NEBL: variants seen among roughly 807,000 people sequenced by gnomAD.
NEBL encodes the protein LIM and SH3 protein 2.
A neutral mutation model predicts 140.2 loss-of-function variants in NEBL; 122 were observed. That is an observed-to-expected ratio of 0.87 (90% CI 0.75 to 1.01). The LOEUF (loss-of-function observed/expected upper bound fraction) is 1.01, where lower values mean the gene tolerates loss of function less well. Ranked by LOEUF, NEBL falls within the 50% of genes least tolerant of loss-of-function variation. The probability of loss-of-function intolerance (pLI) is 0.00; values close to 1 mark genes in which losing one functional copy is unlikely to be tolerated. For synonymous variants in NEBL, 436 were observed against 398.9 expected (o/e 1.09, Z -1.11); for missense variants, 1,365 against 1,231.3 (o/e 1.11, Z -1.62).
At chr10:20,844,280 G>A (rs1021757151) in intron 12 of NEBL, among the ~76,000 whole-genome samples, 3 of 151,728 alleles carry the variant, frequency 2.0e-5, no homozygotes, top group Non-Finnish European at 4.4e-5. Flanking sequence ...ATTTCCTTCA[G>A]GAATAGTTTC....
intron 1 of NEBL, among the ~76,000 whole-genome samples, chr10:21,253,214 T>G (rs191839374): frequency 3.9e-5 from 6 of 152,298 alleles, no homozygotes; most frequent in Non-Finnish European, 7.3e-5. Context: ...AAGGTTGCAG[T>G]GAGCCAAGAT....
chr10:20,984,833 C>T (rs758292519), intron 3 of NEBL, among the ~76,000 whole-genome samples: 15 of 152,292 alleles, frequency 9.8e-5, no homozygotes, highest in Middle Eastern at 3.4e-3. Context: ...TCTGTATTTA[C>T]AGCCACTCCC....
At chr10:21,043,155 G>T (rs540531504) in intron 2 of NEBL, among the ~76,000 whole-genome samples, 3 of 152,216 alleles carry the variant, frequency 2.0e-5, no homozygotes, top group African/African-American at 7.2e-5. Flanking sequence ...CTTAAAAAGG[G>T]TCTCAGACGA....
intron 3 of NEBL, among the ~76,000 whole-genome samples, chr10:21,209,253 T>A (rs1320129262): frequency 6.6e-6 from 1 of 152,194 alleles, no homozygotes; most frequent in African/African-American, 2.4e-5. Flanking sequence ...GATGGTCTCT[T>A]TCATGACTAC....
intron 26 of NEBL, among the ~76,000 whole-genome samples, chr10:20,788,291 A>G (rs113071729): frequency 6.6e-6 from 1 of 152,190 alleles, no homozygotes; most frequent in African/African-American, 2.4e-5. Context: ...ACTTATAGTC[A>G]TATGTGCTAT....
intron 2 of NEBL, among the ~76,000 whole-genome samples, chr10:21,070,362 T>C (rs192548003): frequency 2.6e-5 from 4 of 152,290 alleles, no homozygotes; most frequent in East Asian, 1.9e-4. Flanking sequence ...TTAAAATTAA[T>C]GACAGATTAA....
At chr10:21,179,097 T>A (rs947137197), upstream of NEBL, among the ~76,000 whole-genome samples, 1 of 152,162 alleles carries the variant, frequency 6.6e-6, no homozygotes, top group East Asian at 1.9e-4. Flanking sequence ...GGCCTCCTAA[T>A]GAAACTGTCC....
At position 21,142,699 on chromosome 10, in the gene NEBL, G is replaced by A. The variant is rs147430928; in HGVS notation, c.164+29684C>T. On this transcript the variant is annotated intron_variant, in intron 2 of 6. Transcript: ENST00000417816. ...CCCCCAGGGCGGCAGACGGTATGGCGAGCATTACTGCTACTGCCTTCTGAG... is the reference window on the plus strand; with the variant it reads ...CCCCCAGGGCGGCAGACGGTATGGCAAGCATTACTGCTACTGCCTTCTGAG... 1.3e-3 allele frequency among the ~76,000 whole-genome samples: 201 copies of A among 152,238 alleles called. 1 individual carries two copies. Among genetic ancestry groups the A allele is most frequent in the African/African-American group, 4.6e-3 (192 of 41,522 alleles).
intron 26 of NEBL, among the ~76,000 whole-genome samples, chr10:20,789,999 C>A (rs868841594): frequency 6.7e-6 from 1 of 149,950 alleles, no homozygotes; most frequent in African/African-American, 2.5e-5. Flanking sequence ...TATATTTATG[C>A]CTACTCCTTA....
intron 4 of NEBL, among the ~76,000 whole-genome samples, chr10:20,948,573 GT>G (rs1417971202): frequency 6.6e-6 from 1 of 152,198 alleles, no homozygotes; most frequent in Non-Finnish European, 1.5e-5. Context: ...ACAAGAACAA[GT>G]TTTGGAGAAA....
chr10:21,196,237 C>CAG (rs1841645465), intron 3 of NEBL, among the ~76,000 whole-genome samples: 1 of 151,900 alleles, frequency 6.6e-6, no homozygotes, highest in South Asian at 2.1e-4. Context: ...CTCCTGACCT[C>CAG]GTGATCTGCC....
intron 2 of NEBL, among the ~76,000 whole-genome samples, chr10:21,168,116 G>A (rs1285687047): frequency 6.6e-6 from 1 of 152,024 alleles, no homozygotes; most frequent in East Asian, 1.9e-4. Context: ...GTTCTCCTTT[G>A]CATGAAATCA....
chr10:20,980,368 A>G (rs933094745), intron 3 of NEBL, among the ~76,000 whole-genome samples: 9 of 149,366 alleles, frequency 6.0e-5, no homozygotes, highest in African/African-American at 2.3e-4. Flanking sequence ...CTTTTTGTTC[A>G]GAAACAAAAG....
At chr10:20,898,514 G>A (rs140302928), upstream of NEBL, among the ~76,000 whole-genome samples, 296 of 152,052 alleles carry the variant, frequency 1.9e-3, no homozygotes, top group Non-Finnish European at 3.7e-3. Flanking sequence ...CAGTCATCAC[G>A]TATAAATTAT....
chr10:21,065,764 T>C (rs1835505873), intron 2 of NEBL, among the ~76,000 whole-genome samples: 1 of 152,164 alleles, frequency 6.6e-6, no homozygotes, highest in Non-Finnish European at 1.5e-5. Context: ...TGTGAGCAGA[T>C]GGGGCTAGTA....
chr10:21,169,618 CTT>C (rs1840989772), intron 2 of NEBL, among the ~76,000 whole-genome samples: 2 of 152,192 alleles, frequency 1.3e-5, no homozygotes, highest in African/African-American at 4.8e-5. Context: ...GAATCCAAAA[CTT>C]TGCCAGGCTC....
intron 3 of NEBL, among the ~76,000 whole-genome samples, chr10:21,247,557 AT>A (rs1187396417): frequency 6.6e-6 from 1 of 152,164 alleles, no homozygotes; most frequent in African/African-American, 2.4e-5. Context: ...TTTTCACCTC[AT>A]CATCCTCAGC....
chr10:21,222,078 A>G (rs1482645317), intron 3 of NEBL, among the ~76,000 whole-genome samples: 2 of 151,996 alleles, frequency 1.3e-5, no homozygotes, highest in East Asian at 3.9e-4. Context: ...AACAGGTTTT[A>G]TACCACTATC....
chr10:21,058,468 A>T (rs1156946089), intron 2 of NEBL, among the ~76,000 whole-genome samples: 1 of 152,234 alleles, frequency 6.6e-6, no homozygotes, highest in African/African-American at 2.4e-5. Flanking sequence ...AATATGGAGA[A>T]AAAAAGGAAA....
Sources: gnomAD v4.1 joint callset for allele counts (sites outside exome capture counted in the v4.1 genomes callset) on GRCh38, gnomAD v4.1.1 for gene constraint, MANE v1.5 for transcripts, NCBI Gene and HGNC (gene_info 2026-07-23, HGNC 2026-07-21) for gene names.